NDUFV2: variants seen among roughly 807,000 people sequenced by gnomAD.
NDUFV2 encodes NADH dehydrogenase [ubiquinone] flavoprotein 2, mitochondrial.
In NDUFV2, 18 loss-of-function variants were observed where a neutral mutation model predicts 31.6. That is an observed-to-expected ratio of 0.57 (90% CI 0.39 to 0.84). The LOEUF (loss-of-function observed/expected upper bound fraction) is 0.84. Ranked by LOEUF, NDUFV2 falls within the 40% of genes least tolerant of loss-of-function variation. The pLI, the probability that NDUFV2 is intolerant of heterozygous loss-of-function variation, is 0.00. For missense variants in NDUFV2, 314 were observed against 303.6 expected, an observed-to-expected ratio of 1.03 and a Z score of -0.26; for synonymous variants, 83 against 99.8, an observed-to-expected ratio of 0.83 and a Z score of 1.01.
At chr18:9,125,384 A>G (rs534690733) in intron 6 of NDUFV2, among the ~76,000 whole-genome samples, 184 of 152,232 alleles carry the variant, frequency 1.2e-3, no homozygotes, top group African/African-American at 4.2e-3. Flanking sequence ...CCCAGAGATA[A>G]CCATTATCAT....
chr18:9,111,625 C>T (rs1322381866), intron 1 of NDUFV2, among the ~76,000 whole-genome samples: 1 of 151,870 alleles, frequency 6.6e-6, no homozygotes, highest in African/African-American at 2.4e-5. Flanking sequence ...GATGGGGTCT[C>T]ATCATGTTGG....
At chr18:9,133,434 C>T (rs901209704) in intron 7 of NDUFV2, 2 of 152,276 alleles carry the variant, frequency 1.3e-5, no homozygotes, top group African/African-American at 2.4e-5. Flanking sequence ...TCTTCTCCCT[C>T]TATGCTGCCT....
At chr18:9,113,468 C>T (rs958185369) in intron 1 of NDUFV2, among the ~76,000 whole-genome samples, 3 of 152,182 alleles carry the variant, frequency 2.0e-5, no homozygotes, top group African/African-American at 7.2e-5. Context: ...TGGCAGGAGG[C>T]AGCATCCTGG....
At chr18:9,109,876 C>A (rs1351200980) in intron 1 of NDUFV2, among the ~76,000 whole-genome samples, 4 of 152,088 alleles carry the variant, frequency 2.6e-5, no homozygotes, top group Non-Finnish European at 4.4e-5. Flanking sequence ...CTGCTTAAAT[C>A]TTTTCTTTTC....
At chr18:9,123,197 C>T (rs1032208604) in intron 5 of NDUFV2, among the ~76,000 whole-genome samples, 5 of 152,138 alleles carry the variant, frequency 3.3e-5, no homozygotes, top group Non-Finnish European at 7.4e-5. Context: ...GCCATTGCTA[C>T]ACTTCTAACT....
At chr18:9,103,153 CCT>C (rs1318930820) in intron 1 of NDUFV2, 8 of 401,136 alleles carry the variant, frequency 2.0e-5, no homozygotes, top group Admixed American at 4.4e-5. Context: ...GAAGGAGGCA[CCT>C]CTCGTTTCAA....
chr18:9,132,960 A>G (rs143030672), intron 7 of NDUFV2, among the ~76,000 whole-genome samples: 4 of 152,296 alleles, frequency 2.6e-5, no homozygotes, highest in Non-Finnish European at 4.4e-5. Context: ...TGCTTACTCT[A>G]CAAGTTTCAG....
intron 7 of NDUFV2, among the ~76,000 whole-genome samples, chr18:9,133,118 CTTATA>C (rs1237593058): frequency 1.3e-5 from 2 of 152,092 alleles, no homozygotes; most frequent in Admixed American, 6.6e-5. Flanking sequence ...CTTGAAAGAT[CTTATA>C]TTATGTGGTG....
At chr18:9,126,563 A>C (rs2077992449) in intron 6 of NDUFV2, 5 of 418,050 alleles carry the variant, frequency 1.2e-5, no homozygotes, top group Admixed American at 3.6e-5. Flanking sequence ...TTAATTGTTG[A>C]TGCCTTGGTA....
chr18:9,124,295 T>A (rs2077967389), intron 5 of NDUFV2, among the ~76,000 whole-genome samples: 1 of 151,752 alleles, frequency 6.6e-6, no homozygotes, highest in Non-Finnish European at 1.5e-5. Context: ...AAAAAATTTT[T>A]AATTTTTTTG....
At chr18:9,110,022 C>G (rs1156263195) in intron 1 of NDUFV2, among the ~76,000 whole-genome samples, 1 of 152,016 alleles carries the variant, frequency 6.6e-6, no homozygotes, top group Non-Finnish European at 1.5e-5. Context: ...AAGGAAGTTA[C>G]TTGGATTTTC....
intron 1 of NDUFV2, among the ~76,000 whole-genome samples, chr18:9,112,016 G>GTT (rs2077873070): frequency 1.0e-5 from 1 of 98,400 alleles, no homozygotes; most frequent in Non-Finnish European, 2.1e-5. Context: ...GCATCAGAAG[G>GTT]GTTTTTTTTT....
intron 7 of NDUFV2, among the ~76,000 whole-genome samples, chr18:9,130,342 A>G (rs769972036): frequency 5.9e-5 from 9 of 152,214 alleles, no homozygotes; most frequent in Non-Finnish European, 1.2e-4. Context: ...ACTTATCAGT[A>G]ATCATGAATA....
intron 1 of NDUFV2, 39 bp from the exon 2 acceptor site, chr18:9,117,799 C>A: frequency 1.6e-6 from 2 of 1,213,350 alleles, no homozygotes; most frequent in Non-Finnish European, 2.4e-6. Flanking sequence ...TTTTTTAAGG[C>A]TATGATTTAC....
chr18:9,126,096 A>C (rs541435498), intron 6 of NDUFV2, among the ~76,000 whole-genome samples: 19 of 152,296 alleles, frequency 1.2e-4, no homozygotes, highest in Non-Finnish European at 2.5e-4. Context: ...TTCTTGATTT[A>C]AATAGGAATT....
intron 7 of NDUFV2, 64 bp from the exon 8 acceptor site, chr18:9,134,122 T>C: frequency 7.7e-7 from 1 of 1,295,976 alleles, no homozygotes; most frequent in Non-Finnish European, 1.1e-6. Flanking sequence ...AGGTAACCAT[T>C]ACAATTTAAG....
chr18:9,111,725 G>A (rs1465740080), intron 1 of NDUFV2, among the ~76,000 whole-genome samples: 4 of 151,870 alleles, frequency 2.6e-5, no homozygotes, highest in South Asian at 2.1e-4. Context: ...TACTGTGCCC[G>A]GCCTGAAGTA....
Position 9,122,627 on chromosome 18 carries a change from C to G in NDUFV2, c.415C>G (p.Pro139Ala), listed in dbSNP as rs886054124. The change falls in exon 5 of 8, where the codon CCC becomes GCC. Residue 139 changes from proline (P) to alanine (A), a missense_variant. Transcript: ENST00000318388. ...KYHIQVCTTT[P>A]CMLRNSDSIL... Reference sequence around the variant, plus strand: ...TCACATTCAGGTCTGCACTACTACACCCTGCATGCTTCGAAACTCTGACAG... The same window carrying G: ...TCACATTCAGGTCTGCACTACTACAGCCTGCATGCTTCGAAACTCTGACAG... 2 of 1,614,000 alleles carry G rather than the reference C, an allele frequency of 1.2e-6. No homozygotes were observed. Among genetic ancestry groups the G allele is most frequent in the Non-Finnish European group, 1.7e-6 (2 of 1,179,930 alleles).
At chr18:9,134,099 C>G in intron 7 of NDUFV2, 87 bp from the exon 8 acceptor site, 1 of 950,662 alleles carries the variant, frequency 1.1e-6, no homozygotes, top group South Asian at 1.4e-5. Context: ...AGTTACTTAA[C>G]TGGGCTCTTG....
Sources: allele counts gnomAD v4.1 joint callset (sites outside exome capture counted in the v4.1 genomes callset), GRCh38; gene constraint gnomAD v4.1.1; transcripts MANE v1.5; gene names NCBI Gene and HGNC (gene_info 2026-07-23, HGNC 2026-07-21).